The following FGD4 variants were observed in gnomAD, a reference collection of about 807,000 sequenced individuals.
FGD4 encodes the protein FYVE, RhoGEF and PH domain-containing protein 4.
In FGD4, 42 loss-of-function variants were observed where a neutral mutation model predicts 102.0. The observed-to-expected ratio is 0.41, with a 90% CI of 0.32 to 0.53. The LOEUF is 0.53. Among genes scored for constraint, FGD4 ranks in the 20% least tolerant of loss-of-function variants. The pLI is 0.21. For synonymous variants in FGD4, 380 were observed against 375.7 expected (o/e 1.01, Z -0.13); for missense variants, 902 against 1,078.2 (o/e 0.84, Z 2.29).
intron 1 of FGD4, among the ~76,000 whole-genome samples, chr12:32,552,839 G>A (rs960008274): frequency 3.3e-5 from 5 of 149,448 alleles, no homozygotes; most frequent in Admixed American, 6.7e-5. Flanking sequence ...GTGCAATGGC[G>A]CGATCTTGGC....
intron 1 of FGD4, among the ~76,000 whole-genome samples, chr12:32,443,464 C>T (rs1003290052): frequency 1.3e-5 from 2 of 151,542 alleles, no homozygotes; most frequent in African/African-American, 4.8e-5. Flanking sequence ...AGTCCTCCTG[C>T]GTCAGCCTCC....
chr12:32,616,387 A>G (rs1949451163), intron 10 of FGD4, among the ~76,000 whole-genome samples: 1 of 152,202 alleles, frequency 6.6e-6, no homozygotes. Context: ...GCCATCAAAC[A>G]TATGCCGTTG....
intron 1 of FGD4, among the ~76,000 whole-genome samples, chr12:32,469,945 C>A (rs1304856484): frequency 6.6e-6 from 1 of 152,174 alleles, no homozygotes; most frequent in Non-Finnish European, 1.5e-5. Flanking sequence ...AAGCATGAGC[C>A]ACTGTGCCTG....
intron 14 of FGD4, among the ~76,000 whole-genome samples, chr12:32,632,709 A>ATTTTTTT (rs1218752600): frequency 3.2e-5 from 4 of 124,408 alleles, no homozygotes; most frequent in African/African-American, 1.3e-4. Flanking sequence ...TTATTTATTT[A>ATTTTTTT]TTTATTTTTT....
chr12:32,473,720 C>T (rs1468455219), intron 1 of FGD4, among the ~76,000 whole-genome samples: 13 of 152,148 alleles, frequency 8.5e-5, no homozygotes, highest in African/African-American at 4.8e-5. Flanking sequence ...CGTTCTTCCC[C>T]ACTTTCCACC....
Position 32,640,576 on chromosome 12 carries a change from C to T in FGD4, c.*43C>T. The T allele has an allele frequency of 2.5e-6, 4 of 1,612,316 alleles. No individual in the cohort carries two copies. Among genetic ancestry groups the T allele is most frequent in the East Asian group, 4.5e-5 (2 of 44,880 alleles). Reference sequence around the variant, plus strand: ...CATGGTGTGGAGGTCTCAGGACTTACAGCTCAAGACATTCCCAGCTCTTCT... The same window carrying T: ...CATGGTGTGGAGGTCTCAGGACTTATAGCTCAAGACATTCCCAGCTCTTCT... On this transcript the variant is annotated 3_prime_UTR_variant, in exon 17 of 17. Coordinates refer to ENST00000534526, the MANE Select transcript of FGD4 (RefSeq NM_001370298.3).
At chr12:32,459,350 C>T (rs1007619959) in intron 1 of FGD4, among the ~76,000 whole-genome samples, 24 of 152,002 alleles carry the variant, frequency 1.6e-4, no homozygotes, top group Non-Finnish European at 2.6e-4. Flanking sequence ...TGCGCCACCA[C>T]GCCTGGCTAA....
chr12:32,564,400 G>T, intron 2 of FGD4, 111 bp downstream of exon 2: 4 of 1,274,998 alleles, frequency 3.1e-6, no homozygotes, highest in Non-Finnish European at 4.2e-6. Context: ...GGAAGGAATT[G>T]GGTACATTAT....
intron 11 of FGD4, among the ~76,000 whole-genome samples, chr12:32,621,947 G>T (rs1328158766): frequency 6.6e-6 from 1 of 151,894 alleles, no homozygotes; most frequent in African/African-American, 2.4e-5. Flanking sequence ...GAGTGCAATG[G>T]CATGATCTTG....
At chr12:32,449,227 TAC>T (rs1942703897) in intron 1 of FGD4, among the ~76,000 whole-genome samples, 1 of 152,254 alleles carries the variant, frequency 6.6e-6, no homozygotes, top group Admixed American at 6.5e-5. Flanking sequence ...GACATGCACC[TAC>T]ATAGCTGTAA....
chr12:32,446,229 A>G (rs1044199486), intron 1 of FGD4, among the ~76,000 whole-genome samples: 1 of 152,236 alleles, frequency 6.6e-6, no homozygotes, highest in Non-Finnish European at 1.5e-5. Context: ...CGAATGGCCT[A>G]GACAAGGTAG....
intron 11 of FGD4, among the ~76,000 whole-genome samples, chr12:32,621,384 G>T (rs1166366705): frequency 6.6e-6 from 1 of 152,190 alleles, no homozygotes; most frequent in East Asian, 1.9e-4. Flanking sequence ...ACAGAGCAGA[G>T]GGTGAAGAAC....
chr12:32,607,877 G>A (rs571632739), intron 7 of FGD4, 80 bp from the exon 8 acceptor site: 39 of 1,543,596 alleles, frequency 2.5e-5, no homozygotes, highest in South Asian at 1.1e-4. Flanking sequence ...TGCCCTTGAC[G>A]AAAGTTCTGT....
chr12:32,630,980 A>T (rs1192061684), intron 14 of FGD4, among the ~76,000 whole-genome samples: 4 of 152,170 alleles, frequency 2.6e-5, no homozygotes, highest in South Asian at 4.2e-4. Flanking sequence ...TCTTGACCCC[A>T]TCTCAAAAAA....
intron 1 of FGD4, among the ~76,000 whole-genome samples, chr12:32,500,583 G>A (rs1370876154): frequency 2.0e-5 from 3 of 151,734 alleles, no homozygotes; most frequent in African/African-American, 4.8e-5. Flanking sequence ...ACAGGCGCCC[G>A]CCACCATGCC....
chr12:32,426,035 C>T (rs966841210), intron 1 of FGD4, among the ~76,000 whole-genome samples: 1 of 152,166 alleles, frequency 6.6e-6, no homozygotes, highest in African/African-American at 2.4e-5. Context: ...TTCCTCTCTT[C>T]CTATTTGAAT....
chr12:32,636,170 T>C (rs558203518), intron 15 of FGD4, among the ~76,000 whole-genome samples: 1 of 152,132 alleles, frequency 6.6e-6, no homozygotes, highest in Non-Finnish European at 1.5e-5. Context: ...CCCTGGCTCA[T>C]GGGCCATACA....
Position 32,582,445 on chromosome 12 carries a change from T to C in FGD4, c.989T>C (p.Leu330Pro), listed in dbSNP as rs1285353755. The stretch of plus-strand genomic sequence containing the variant: ...GAAAGCCCTCTGGAACTGGAGCAGC[T>C]GGACCAGCACCATGAGATGAAGGTA... ...NGESPLELEQ[L>P]DQHHEMKETN... The change falls in exon 4 of 17, where the codon CTG becomes CCG. Residue 330 changes from leucine (L) to proline (P), a missense_variant. This residue lies in a region of FGD4 where 443 missense variants were observed against 459.2 expected (regional missense o/e 0.96). Coordinates refer to ENST00000534526, the MANE Select transcript of FGD4 (RefSeq NM_001370298.3). 6.2e-7 allele frequency: 1 copy of C among 1,611,750 alleles called. No individual in the cohort carries two copies. The highest frequency in any genetic ancestry group is 8.5e-7 in the Non-Finnish European group (1 of 1,180,026).
At chr12:32,632,019 T>C (rs1483485832) in intron 14 of FGD4, among the ~76,000 whole-genome samples, 1 of 152,190 alleles carries the variant, frequency 6.6e-6, no homozygotes, top group Non-Finnish European at 1.5e-5. Context: ...CCCAGAGTAA[T>C]TTCATTGTAA....
Sources: allele counts gnomAD v4.1 joint callset (sites outside exome capture counted in the v4.1 genomes callset), GRCh38; gene constraint gnomAD v4.1.1; regional missense constraint gnomAD v4.1.1; transcripts MANE v1.5; gene names NCBI Gene and HGNC (gene_info 2026-07-23, HGNC 2026-07-21).